PCCA: variants seen among roughly 807,000 people sequenced by gnomAD.
The protein encoded by PCCA is propionyl-CoA carboxylase subunit alpha.
Under a neutral mutation model 101.3 loss-of-function variants are expected in PCCA, and 74 were observed. That is an observed-to-expected ratio of 0.73 (90% CI 0.61 to 0.89). The LOEUF (loss-of-function observed/expected upper bound fraction) is 0.89, where lower values mean the gene tolerates loss of function less well. Ranked by LOEUF, PCCA falls within the 40% of genes least tolerant of loss-of-function variation. The pLI is 0.00. For missense variants in PCCA, 891 were observed against 907.0 expected (o/e 0.98, Z 0.23); for synonymous variants, 294 against 313.6 (o/e 0.94, Z 0.66).
chr13:100,513,534 C>T (rs1018352451), intron 21 of PCCA, among the ~76,000 whole-genome samples: 2 of 152,166 alleles, frequency 1.3e-5, no homozygotes, highest in Admixed American at 6.5e-5. Flanking sequence ...ATCCAGTGTT[C>T]GTCAGAATCT....
At chr13:100,507,382 C>G (rs1170405919) in intron 21 of PCCA, among the ~76,000 whole-genome samples, 1 of 152,224 alleles carries the variant, frequency 6.6e-6, no homozygotes, top group Non-Finnish European at 1.5e-5. Flanking sequence ...TGGCGCCACA[C>G]TCCAGGTAGG....
chr13:100,422,861 C>T, intron 19 of PCCA, among the ~76,000 whole-genome samples: 1 of 151,426 alleles, frequency 6.6e-6, no homozygotes, highest in African/African-American at 2.4e-5. Flanking sequence ...CTTCTTTGAG[C>T]TCTTTTTTTA....
chr13:100,370,914 C>T (rs1023586256), intron 19 of PCCA, among the ~76,000 whole-genome samples: 3 of 152,096 alleles, frequency 2.0e-5, no homozygotes, highest in African/African-American at 7.2e-5. Flanking sequence ...GTTAATGACT[C>T]TGGAGATAGT....
intron 12 of PCCA, among the ~76,000 whole-genome samples, chr13:100,301,240 A>G (rs531995292): frequency 6.6e-6 from 1 of 152,290 alleles, no homozygotes; most frequent in East Asian, 1.9e-4. Context: ...TAATACAGAT[A>G]GTTTACAAAT....
At chr13:100,112,858 G>C (rs1244172161) in intron 4 of PCCA, among the ~76,000 whole-genome samples, 1 of 142,858 alleles carries the variant, frequency 7.0e-6, no homozygotes, top group East Asian at 2.1e-4. Context: ...TTACAGGCTT[G>C]AGCCACCACA....
chr13:100,250,829 C>A (rs1281901219), intron 8 of PCCA, among the ~76,000 whole-genome samples: 1 of 152,060 alleles, frequency 6.6e-6, no homozygotes, highest in Non-Finnish European at 1.5e-5. Context: ...TTTCTTAGGG[C>A]AAGTCTAGCA....
intron 22 of PCCA, among the ~76,000 whole-genome samples, chr13:100,524,100 C>T (rs1256705136): frequency 6.6e-6 from 1 of 152,210 alleles, no homozygotes; most frequent in Non-Finnish European, 1.5e-5. Flanking sequence ...ACACATTCTG[C>T]AGGAGTCAGC....
intron 2 of PCCA, among the ~76,000 whole-genome samples, 191 bp from the exon 3 acceptor site, chr13:100,111,650 T>A (rs1161312683): frequency 6.6e-6 from 1 of 152,206 alleles, no homozygotes; most frequent in African/African-American, 2.4e-5. Flanking sequence ...TAACCTATTT[T>A]AATATTACCC....
chr13:100,155,186 A>C, intron 5 of PCCA, 94 bp downstream of exon 5: 1 of 856,424 alleles, frequency 1.2e-6, no homozygotes, highest in Non-Finnish European at 2.0e-6. Context: ...GGAAAGAATG[A>C]TTGAAAATGC....
At chr13:100,329,854 G>A (rs2069282097) in intron 16 of PCCA, among the ~76,000 whole-genome samples, 1 of 152,138 alleles carries the variant, frequency 6.6e-6, no homozygotes, top group African/African-American at 2.4e-5. Flanking sequence ...CTGAATCCTG[G>A]TGAAACCATT....
intron 11 of PCCA, among the ~76,000 whole-genome samples, chr13:100,270,548 A>G (rs2063238757): frequency 6.6e-6 from 1 of 152,220 alleles, no homozygotes; most frequent in African/African-American, 2.4e-5. Context: ...TAGAAATACA[A>G]ACTTTTCATA....
At chr13:100,377,946 G>A (rs1595668755) in intron 19 of PCCA, among the ~76,000 whole-genome samples, 1 of 152,016 alleles carries the variant, frequency 6.6e-6, no homozygotes, top group African/African-American at 2.4e-5. Flanking sequence ...TTATCTTTGT[G>A]GTTGGTGTTT....
chr13:100,454,964 A>G (rs910303677), intron 21 of PCCA, among the ~76,000 whole-genome samples: 1 of 152,198 alleles, frequency 6.6e-6, no homozygotes, highest in African/African-American at 2.4e-5. Context: ...ATAAAGAATG[A>G]TGATACAACA....
intron 4 of PCCA, chr13:100,150,526 T>TC: frequency 7.4e-7 from 1 of 1,353,674 alleles, no homozygotes; most frequent in Non-Finnish European, 1.0e-6. Context: ...TTCTCCAAGC[T>TC]CCCCGGCGAG....
chr13:100,243,792 TG>T, intron 8 of PCCA, among the ~76,000 whole-genome samples: 1 of 152,346 alleles, frequency 6.6e-6, no homozygotes, highest in Admixed American at 6.5e-5. Context: ...GCGTAGTGTG[TG>T]GGGGCTATAT....
At chr13:100,096,792 C>T (rs898044267) in intron 1 of PCCA, among the ~76,000 whole-genome samples, 1 of 152,318 alleles carries the variant, frequency 6.6e-6, no homozygotes, top group African/African-American at 2.4e-5. Context: ...TAAGCCATAG[C>T]CTAATCCAGC....
At position 100,235,278 on chromosome 13, in the gene PCCA, G is replaced by A. The variant is rs1458489475; in HGVS notation, c.601-564G>A. Among the ~76,000 whole-genome samples the A allele has an allele frequency of 8.5e-4, 99 of 116,630 alleles. No homozygotes were observed. In the East Asian group the frequency reaches 0.01, roughly 12 times the overall value. 76.5% of individuals were successfully genotyped at this position (116,630 alleles called of 152,430 possible). On this transcript the variant is annotated intron_variant, in intron 7 of 23. Transcript: ENST00000376285. ...AATTGTAGAGATAAAATATGTACCTGAAAAAAAAAAAAAAGAAAGAAACAA... is the reference window on the plus strand; with the variant it reads ...AATTGTAGAGATAAAATATGTACCTAAAAAAAAAAAAAAAGAAAGAAACAA...
At chr13:100,093,739 C>T (rs1471383705) in intron 1 of PCCA, among the ~76,000 whole-genome samples, 2 of 148,586 alleles carry the variant, frequency 1.3e-5, no homozygotes, top group Non-Finnish European at 1.5e-5. Flanking sequence ...CATAATGATA[C>T]CACCCCCACC....
rs977076579 is a variant in PCCA at position 100,330,625 on chromosome 13, C to T, written c.1494C>T (p.Asp498=). Residue 498 remains aspartate (D), a synonymous_variant, in exon 17 of 24, where the codon GAC becomes GAT. Transcript: ENST00000376285. The part of the protein sequence containing the change: ...VIINSRFVKG[D]ISTKFLSDVY... ...TCAACTCACGCTTTGTAAAAGGAGACATCAGCACTAAATTTCTCTCCGATG... is the reference window on the plus strand; with the variant it reads ...TCAACTCACGCTTTGTAAAAGGAGATATCAGCACTAAATTTCTCTCCGATG... 6.2e-7 allele frequency: 1 copy of T among 1,612,740 alleles called. No individual in the cohort carries two copies. The highest frequency in any genetic ancestry group is 8.5e-7 in the Non-Finnish European group (1 of 1,178,944).
Sources: gnomAD v4.1 joint callset for allele counts (sites outside exome capture counted in the v4.1 genomes callset) on GRCh38, gnomAD v4.1.1 for gene constraint, MANE v1.5 for transcripts, NCBI Gene and HGNC (gene_info 2026-07-23, HGNC 2026-07-21) for gene names.